TMEM87A: variants seen among roughly 807,000 people sequenced by gnomAD.
The protein encoded by TMEM87A is Golgi-pH regulating cation channel.
TMEM87A carries 50 observed loss-of-function variants against 90.0 expected under a neutral mutation model. The observed-to-expected ratio is 0.56, with a 90% confidence interval of 0.44 to 0.70. The LOEUF (loss-of-function observed/expected upper bound fraction) is 0.70, where lower values mean the gene tolerates loss of function less well. Ranked by LOEUF, TMEM87A falls within the 30% of genes least tolerant of loss-of-function variation. The pLI is 0.00. For synonymous variants in TMEM87A, 226 were observed against 226.7 expected, an observed-to-expected ratio of 1.00 and a Z score of 0.03; for missense variants, 577 against 660.5, an observed-to-expected ratio of 0.87 and a Z score of 1.39.
At chr15:42,242,998 G>T (rs955555859) in intron 7 of TMEM87A, among the ~76,000 whole-genome samples, 1 of 152,044 alleles carries the variant, frequency 6.6e-6, no homozygotes, top group African/African-American at 2.4e-5. Flanking sequence ...CAGGCACGGC[G>T]GCTCACCCCT....
Position 42,237,606 on chromosome 15 carries a change from C to G in TMEM87A, c.694G>C (p.Val232Leu). 6.4e-7 allele frequency: 1 copy of G among 1,573,688 alleles called. No homozygotes were observed. Among genetic ancestry groups the G allele is most frequent in the East Asian group, 2.3e-5 (1 of 43,288 alleles). The change falls in exon 9 of 20, where the codon GTG becomes CTG. Residue 232 changes from valine (V) to leucine (L), a missense_variant. Physicochemically the swap from Val to Leu is conservative, Grantham distance 32. Transcript: ENST00000389834. ...AACAGGACATATACAATACACATCA[C>G]CATGAAAAACTGTTATCAAATTGGG... ...EDYPLMIFFM[V>L]MCIVYVLFGV... is the part of the protein sequence containing the mutation.
chr15:42,229,790 T>C (rs879856399), intron 12 of TMEM87A, among the ~76,000 whole-genome samples: 2 of 152,160 alleles, frequency 1.3e-5, no homozygotes, highest in African/African-American at 2.4e-5. Context: ...AGGAGGGGAA[T>C]TGGTGACTAC....
At chr15:42,221,775 G>C (rs2050490694) in intron 15 of TMEM87A, among the ~76,000 whole-genome samples, 1 of 152,116 alleles carries the variant, frequency 6.6e-6, no homozygotes, top group African/African-American at 2.4e-5. Context: ...TTTTGAGACA[G>C]GGTCTTGCTC....
chr15:42,225,303 G>C (rs1013123430), intron 15 of TMEM87A, among the ~76,000 whole-genome samples: 2 of 151,576 alleles, frequency 1.3e-5, no homozygotes, highest in African/African-American at 4.9e-5. Flanking sequence ...ATGCAAATGG[G>C]GGGGGGGGGA....
At chr15:42,216,392 C>T (rs767645313) in intron 19 of TMEM87A, among the ~76,000 whole-genome samples, 18 of 151,114 alleles carry the variant, frequency 1.2e-4, no homozygotes, top group Non-Finnish European at 2.4e-4. Flanking sequence ...TTTCTTACCA[C>T]AAAAAAGCCT....
chr15:42,239,616 T>C, intron 8 of TMEM87A, 54 bp downstream of exon 8: 1 of 1,433,628 alleles, frequency 7.0e-7, no homozygotes, highest in Non-Finnish European at 9.8e-7. Flanking sequence ...CATGGGACAA[T>C]CTTTGAACCC....
intron 15 of TMEM87A, among the ~76,000 whole-genome samples, chr15:42,220,512 C>T (rs1469264463): frequency 6.6e-6 from 1 of 152,206 alleles, no homozygotes; most frequent in Non-Finnish European, 1.5e-5. Context: ...ATTCAGTAGA[C>T]AGTCAACAAA....
At chr15:42,217,581 T>A (rs935853678) in intron 19 of TMEM87A, among the ~76,000 whole-genome samples, 1 of 152,180 alleles carries the variant, frequency 6.6e-6, no homozygotes, top group Admixed American at 6.5e-5. Context: ...TCTGACCATA[T>A]AACTTTGAAA....
intron 17 of TMEM87A, 105 bp from the exon 18 acceptor site, chr15:42,218,483 A>T (rs1387959902): frequency 1.9e-6 from 2 of 1,051,454 alleles, no homozygotes; most frequent in Non-Finnish European, 1.4e-6. Flanking sequence ...CTGTAGTCAT[A>T]CATTCACAAA....
In TMEM87A at chr15:42,211,138, C is replaced by CTTTTTTTTT. The variant is rs11433755; in HGVS notation, c.*561_*569dup. ...TCTGAATCATACTGTAACAGTTTCTCTTTTTTTTTTTTTCTTTTGATCATT... is the reference window on the plus strand; with the variant it reads ...TCTGAATCATACTGTAACAGTTTCTCTTTTTTTTTTTTTTTTTTTTTTCTTTTGATCATT... On this transcript the variant is annotated 3_prime_UTR_variant, in exon 20 of 20. Transcript: ENST00000389834. 1.7e-4 allele frequency: 24 copies of CTTTTTTTTT among 145,284 alleles called. No homozygotes were observed. Among genetic ancestry groups the CTTTTTTTTT allele is most frequent in the Non-Finnish European group, 1.5e-4 (10 of 66,280 alleles). The allele number at this position is 145,284 out of a possible 1,614,324, so 9.0% of individuals were successfully genotyped here. A position where few individuals can be genotyped will look rare whatever the true frequency, so the allele number is the denominator to read the frequency against.
At chr15:42,264,743 A>T (rs1340294463) in intron 3 of TMEM87A, among the ~76,000 whole-genome samples, 2 of 144,648 alleles carry the variant, frequency 1.4e-5, no homozygotes, top group African/African-American at 5.1e-5. Flanking sequence ...TACATACGCA[A>T]CTTTGTTATA....
intron 19 of TMEM87A, among the ~76,000 whole-genome samples, chr15:42,216,509 A>C (rs2050385991): frequency 6.6e-6 from 1 of 152,220 alleles, no homozygotes; most frequent in African/African-American, 2.4e-5. Context: ...ATTCCCATGA[A>C]GGGCACAATC....
chr15:42,254,450 C>T (rs2051140694), intron 6 of TMEM87A, among the ~76,000 whole-genome samples: 1 of 152,144 alleles, frequency 6.6e-6, no homozygotes. Context: ...AACTTGAAAG[C>T]AATCAAGATG....
intron 8 of TMEM87A, among the ~76,000 whole-genome samples, chr15:42,238,979 A>G (rs2140944620): frequency 6.6e-6 from 1 of 152,106 alleles, no homozygotes; most frequent in East Asian, 1.9e-4. Context: ...ACGTATGCAC[A>G]CATACATGTA....
intron 15 of TMEM87A, among the ~76,000 whole-genome samples, chr15:42,226,134 G>A (rs1422026702): frequency 1.3e-5 from 2 of 152,106 alleles, no homozygotes; most frequent in East Asian, 3.9e-4. Context: ...CAAGTAGCTG[G>A]GATTACAGGC....
intron 2 of TMEM87A, among the ~76,000 whole-genome samples, chr15:42,271,180 T>C (rs1171340885): frequency 1.3e-5 from 2 of 152,228 alleles, no homozygotes; most frequent in South Asian, 2.1e-4. Context: ...TACAGTCATT[T>C]TTCCACTAGA....
chr15:42,214,564 C>T (rs1489160313), intron 19 of TMEM87A, among the ~76,000 whole-genome samples: 1 of 152,180 alleles, frequency 6.6e-6, no homozygotes, highest in Non-Finnish European at 1.5e-5. Flanking sequence ...AGAGACAACA[C>T]TACACAGTGG....
rs765671184 is a variant in TMEM87A, at chr15:42,264,220, T to C, written c.292-17A>G. 12 of 1,569,562 alleles carry C rather than the reference T, an allele frequency of 7.6e-6. No individual in the cohort carries two copies. Among genetic ancestry groups the C allele is most frequent in the Admixed American group, 6.8e-5 (4 of 59,184 alleles). ...TTCTTCTGCCTGGAAAAAGAGATAA[T>C]ACAGAGTAGTTAACTCACCTTCCAA... On this transcript the variant is annotated splice_polypyrimidine_tract_variant and intron_variant, in intron 3 of 19. Transcript: ENST00000389834.
rs114448999 is a variant in TMEM87A, at chr15:42,217,786, G to A, written c.1626+17C>T. On this transcript the variant is annotated intron_variant, in intron 19 of 19. Coordinates refer to ENST00000389834, the MANE Select transcript of TMEM87A (RefSeq NM_015497.5). The stretch of plus-strand genomic sequence containing the variant: ...GTCACCATATACATAATTTATGCAC[G>A]TGAATTGAGTACCAACCTCATCTGA... 3.0e-3 allele frequency: 4,890 copies of A among 1,610,638 alleles called. 130 individuals carry two copies. The African/African-American group carries it at 0.059, about 20-fold the overall frequency.
Sources: allele counts gnomAD v4.1 joint callset (sites outside exome capture counted in the v4.1 genomes callset), GRCh38; gene constraint gnomAD v4.1.1; transcripts MANE v1.5; gene names NCBI Gene and HGNC (gene_info 2026-07-23, HGNC 2026-07-21).